PRKG2: variants seen among roughly 807,000 people sequenced by gnomAD.
PRKG2 encodes the protein cGMP-dependent protein kinase 2.
Under a neutral mutation model 97.2 loss-of-function variants are expected in PRKG2, and 33 were observed. The ratio of observed to expected loss-of-function variants is 0.34; its 90% CI spans 0.26 to 0.45. The LOEUF is 0.45. PRKG2 is among the 20% of genes least tolerant of loss of function. The probability of loss-of-function intolerance (pLI) is 1.00; values close to 1 mark genes in which losing one functional copy is unlikely to be tolerated. For missense variants in PRKG2, 638 were observed against 900.0 expected, an observed-to-expected ratio of 0.71 and a Z score of 3.73; for synonymous variants, 330 against 321.8, an observed-to-expected ratio of 1.03 and a Z score of -0.27.
Position 81,204,675 on chromosome 4 carries a change from C to T in PRKG2, c.373G>A (p.Val125Met), listed in dbSNP as rs1753534493. 6.2e-7 allele frequency: 1 copy of T among 1,614,188 alleles called. No individual in the cohort carries two copies. Among genetic ancestry groups the T allele is most frequent in the Non-Finnish European group, 8.5e-7 (1 of 1,180,026 alleles). ...GTCCGGGTTGTTGGCTCAGCAGACACGCCAGCCTTTGCTCCCCTCCTGCTA... is the reference window on the plus strand; with the variant it reads ...GTCCGGGTTGTTGGCTCAGCAGACATGCCAGCCTTTGCTCCCCTCCTGCTA... ...LHSRRGAKAGVSAEPTTRTYD... is the reference protein window; with the variant it reads ...LHSRRGAKAGMSAEPTTRTYD... Residue 125 changes from valine (V) to methionine (M), a missense_variant, in exon 2 of 19, where the codon GTG (valine) becomes ATG (methionine). Transcript: ENST00000264399.
intron 17 of PRKG2, among the ~76,000 whole-genome samples, chr4:81,102,315 T>C (rs1018978571): frequency 5.3e-5 from 8 of 152,180 alleles, no homozygotes; most frequent in African/African-American, 1.9e-4. Flanking sequence ...CTGGAGCCTG[T>C]TAACAGATAT....
intron 17 of PRKG2, among the ~76,000 whole-genome samples, chr4:81,093,435 T>G (rs1042962435): frequency 3.3e-5 from 5 of 151,360 alleles, no homozygotes; most frequent in Admixed American, 2.0e-4. Flanking sequence ...CTACTTTATC[T>G]TACCCCCTTA....
At chr4:81,142,705 T>C in intron 11 of PRKG2, 89 bp downstream of exon 11, 1 of 1,374,802 alleles carries the variant, frequency 7.3e-7, no homozygotes, top group South Asian at 1.8e-5. Context: ...GCAGTAACAA[T>C]TCATATATTC....
chr4:81,143,324 C>G (rs984276396), intron 10 of PRKG2, among the ~76,000 whole-genome samples: 4 of 152,054 alleles, frequency 2.6e-5, no homozygotes, highest in Non-Finnish European at 4.4e-5. Flanking sequence ...CCATGAAAAG[C>G]AGTCAATGAA....
Position 81,189,066 on chromosome 4 carries a change from T to TAAAAAAAAAAAAAAAAAAAAAAAA in PRKG2, c.462-14131_462-14108dup. Among the ~76,000 whole-genome samples, 4 of 17,056 alleles carry TAAAAAAAAAAAAAAAAAAAAAAAA rather than the reference T, an allele frequency of 2.3e-4. 1 individual carries two copies. The highest frequency in any genetic ancestry group is 2.3e-4 in the Non-Finnish European group (3 of 12,996). The allele number at this position is 17,056 out of a possible 152,430, so 11.2% of individuals were successfully genotyped here. On this transcript the variant is annotated intron_variant, in intron 2 of 18. Coordinates refer to ENST00000264399, the MANE Select transcript of PRKG2 (RefSeq NM_006259.3). Reference sequence around the variant, plus strand: ...AAAAAAAAAAGATTAAAAAAAATAATAAAAAAAAAAAAAAAAAAAAAAAAA... The same window carrying TAAAAAAAAAAAAAAAAAAAAAAAA: ...AAAAAAAAAAGATTAAAAAAAATAATAAAAAAAAAAAAAAAAAAAAAAAAAAAAAAAAAAAAAAAAAAAAAAAAA...
intron 2 of PRKG2, among the ~76,000 whole-genome samples, chr4:81,185,020 A>G (rs904650526): frequency 7.6e-4 from 115 of 152,206 alleles, no homozygotes; most frequent in African/African-American, 2.8e-3. Flanking sequence ...CCTGAAAGTG[A>G]TGGGGAGAAT....
intron 13 of PRKG2, among the ~76,000 whole-genome samples, chr4:81,136,397 C>T (rs896487249): frequency 6.6e-6 from 1 of 152,180 alleles, no homozygotes; most frequent in Admixed American, 6.5e-5. Context: ...AAGCTTTCCA[C>T]GTGAATGCAA....
At chr4:81,104,632 G>A (rs1743147867) in intron 16 of PRKG2, among the ~76,000 whole-genome samples, 200 bp from the exon 17 acceptor site, 1 of 151,852 alleles carries the variant, frequency 6.6e-6, no homozygotes, top group Non-Finnish European at 1.5e-5. Flanking sequence ...CCTCCCTGGA[G>A]GAGCCACAGT....
chr4:81,163,895 CA>C (rs1749771668), intron 6 of PRKG2, among the ~76,000 whole-genome samples: 3 of 150,522 alleles, frequency 2.0e-5, no homozygotes, highest in East Asian at 1.9e-4. Flanking sequence ...CACACACACA[CA>C]CACACACCTC....
At chr4:81,194,497 A>T (rs938726909) in intron 2 of PRKG2, among the ~76,000 whole-genome samples, 4 of 152,102 alleles carry the variant, frequency 2.6e-5, no homozygotes, top group South Asian at 2.1e-4. Context: ...TAAAATAAGC[A>T]TGACTTTCTT....
rs111942750 is a variant in PRKG2 at position 81,126,040 on chromosome 4, G to A, written c.1776+9115C>T. On this transcript the variant is annotated intron_variant, in intron 14 of 18. Transcript: ENST00000264399. ...TATCCCTCTCCCAGACCCCCCAGCC[G>A]CCAACAGGCCCCGGTGTGTGATGTT... Among the ~76,000 whole-genome samples, 233 of 152,066 alleles carry A rather than the reference G, an allele frequency of 1.5e-3. 2 individuals are homozygous for A. The highest frequency in any genetic ancestry group is 5.3e-3 in the African/African-American group (219 of 41,492).
chr4:81,217,036 T>TATATATAC (rs1560637064), upstream of PRKG2, among the ~76,000 whole-genome samples: 13 of 137,352 alleles, frequency 9.5e-5, no homozygotes, highest in Admixed American at 1.4e-4. Context: ...ATTTTGTATA[T>TATATATAC]ATATATATAT....
intron 1 of PRKG2, among the ~76,000 whole-genome samples, chr4:81,206,137 G>C (rs1753633324): frequency 6.6e-6 from 1 of 152,210 alleles, no homozygotes; most frequent in South Asian, 2.1e-4. Context: ...ACTCACAAAA[G>C]TAGAACTTGA....
intron 8 of PRKG2, among the ~76,000 whole-genome samples, chr4:81,149,999 T>A (rs2110054438): frequency 6.6e-6 from 1 of 152,260 alleles, no homozygotes; most frequent in Non-Finnish European, 1.5e-5. Context: ...AGGGTCCTTG[T>A]TAGAAGATAT....
intron 14 of PRKG2, among the ~76,000 whole-genome samples, chr4:81,118,336 C>T (rs1317740111): frequency 6.6e-6 from 1 of 152,204 alleles, no homozygotes; most frequent in Non-Finnish European, 1.5e-5. Context: ...AAGTTTTCAA[C>T]TGCTTTCCAT....
intron 15 of PRKG2, among the ~76,000 whole-genome samples, chr4:81,110,097 C>CA (rs1446387171): frequency 6.6e-6 from 1 of 152,082 alleles, no homozygotes; most frequent in African/African-American, 2.4e-5. Context: ...CTCCATTACA[C>CA]AAAAAAGAGG....
At chr4:81,090,308 A>C (rs1741412307) in intron 18 of PRKG2, among the ~76,000 whole-genome samples, 1 of 152,092 alleles carries the variant, frequency 6.6e-6, no homozygotes, top group Admixed American at 6.6e-5. Context: ...CAGTGAGCTG[A>C]GATCACACCA....
intron 7 of PRKG2, among the ~76,000 whole-genome samples, chr4:81,153,023 T>A (rs943914742): frequency 6.6e-6 from 1 of 152,224 alleles, no homozygotes; most frequent in African/African-American, 2.4e-5. Context: ...CCTTCAATAT[T>A]TCACAAATGC....
At position 81,104,423 on chromosome 4, in the gene PRKG2, T is replaced by C; in HGVS notation, c.2073A>G (p.Pro691=). The change falls in exon 17 of 19, where the codon CCA becomes CCG. Residue 691 remains proline (P), a synonymous_variant. Coordinates refer to ENST00000264399, the MANE Select transcript of PRKG2 (RefSeq NM_006259.3). ...DLIRRLCRQN[P]TERLGNLKNG... is the part of the protein sequence containing the mutation. ...TCTTCAGATTTCCCAGCCTTTCTGT[T>C]GGATTTTGCCTAAAACAATAATTTG... 6.9e-7 allele frequency: 1 copy of C among 1,457,686 alleles called. No individual in the cohort carries two copies. The highest frequency in any genetic ancestry group is 9.1e-7 in the Non-Finnish European group (1 of 1,099,708). The allele number at this position is 1,457,686 out of a possible 1,614,324, so 90.3% of individuals were successfully genotyped here. A position where few individuals can be genotyped will look rare whatever the true frequency, so the allele number is the denominator to read the frequency against.
Sources: allele counts gnomAD v4.1 joint callset (sites outside exome capture counted in the v4.1 genomes callset), GRCh38; gene constraint gnomAD v4.1.1; transcripts MANE v1.5; gene names NCBI Gene and HGNC (gene_info 2026-07-23, HGNC 2026-07-21).